SPATA13: variants seen among roughly 807,000 people sequenced by gnomAD.
The protein encoded by SPATA13 is spermatogenesis-associated protein 13.
In SPATA13, 50 loss-of-function variants were observed where a neutral mutation model predicts 104.0. The observed-to-expected ratio is 0.48, with a 90% confidence interval of 0.38 to 0.61. The LOEUF is 0.61. SPATA13 is among the 20% of genes least tolerant of loss of function. The pLI is 0.00. For synonymous variants in SPATA13, 606 were observed against 667.5 expected, an observed-to-expected ratio of 0.91 and a Z score of 1.42; for missense variants, 1,524 against 1,690.6, an observed-to-expected ratio of 0.90 and a Z score of 1.73.
intron 3 of SPATA13, among the ~76,000 whole-genome samples, chr13:24,036,968 G>A (rs1404288986): frequency 6.6e-6 from 1 of 151,772 alleles, no homozygotes; most frequent in African/African-American, 2.4e-5. Context: ...TAGAGACGGG[G>A]TTTGACCATG....
At chr13:24,112,622 C>A (rs1258779578) in intron 3 of SPATA13, among the ~76,000 whole-genome samples, 1 of 152,118 alleles carries the variant, frequency 6.6e-6, no homozygotes, top group African/African-American at 2.4e-5. Context: ...TTCTTATCAG[C>A]TAAACACAAA....
chr13:24,056,236 A>C lies in SPATA13; in HGVS notation c.-112+38535A>C, dbSNP rs139832091. The stretch of plus-strand genomic sequence containing the variant: ...ACTAGAAGTGATGAAGGAATAGAAC[A>C]AAGTGTCCAGAACAGCCTCAGTGAA... On this transcript the variant is annotated intron_variant, in intron 3 of 14. Coordinates refer to the SPATA13 transcript ENST00000424834. Among the ~76,000 whole-genome samples, 1,275 of 152,354 alleles carry C rather than the reference A, an allele frequency of 8.4e-3. 29 individuals are homozygous for C. The highest frequency in any genetic ancestry group is 0.028 in the African/African-American group (1,183 of 41,580).
rs1218817835 is a variant in SPATA13 at position 24,223,664 on chromosome 13, C to T, written c.735C>T (p.Asn245=). ...TTCTCGTGAGGGACCCTGAAAACAA[C>T]AGCATGGGCTACAGGAGGAGCAAGA... The part of the protein sequence containing the change: ...CEILVRDPEN[N]SMGYRRSKST... Residue 245 remains asparagine (N), a synonymous_variant, in exon 2 of 13, where the codon AAC becomes AAT. Coordinates refer to ENST00000382108, the MANE Select transcript of SPATA13 (RefSeq NM_001166271.3). 19 of 1,552,088 alleles carry T rather than the reference C, an allele frequency of 1.2e-5. No homozygotes were observed. The highest frequency in any genetic ancestry group is 2.4e-5 in the East Asian group (1 of 40,932).
chr13:24,136,918 C>A (rs1371335773), intron 3 of SPATA13, among the ~76,000 whole-genome samples: 1 of 43,134 alleles, frequency 2.3e-5, no homozygotes, highest in African/African-American at 7.3e-5. Flanking sequence ...CAAGCTCCGC[C>A]TCCCAGGTTC....
At chr13:24,199,244 A>C (rs1870267850) in intron 1 of SPATA13, among the ~76,000 whole-genome samples, 1 of 152,134 alleles carries the variant, frequency 6.6e-6, no homozygotes, top group African/African-American at 2.4e-5. Flanking sequence ...TCCAGCACCC[A>C]CGCCAGCTGC....
chr13:24,046,698 T>C (rs1878162186), intron 3 of SPATA13, among the ~76,000 whole-genome samples: 1 of 151,886 alleles, frequency 6.6e-6, no homozygotes, highest in African/African-American at 2.4e-5. Context: ...TGATAGAAAT[T>C]TGGGTTTCCT....
intron 3 of SPATA13, among the ~76,000 whole-genome samples, chr13:24,041,438 C>T (rs1249812045): frequency 6.6e-6 from 1 of 152,164 alleles, no homozygotes; most frequent in African/African-American, 2.4e-5. Context: ...GAATCAGAAT[C>T]TCACATGTAA....
chr13:24,105,849 CAGACACACACAGAGGGTAGACCTTGTGA>C (rs915097070), intron 3 of SPATA13, among the ~76,000 whole-genome samples: 2 of 152,136 alleles, frequency 1.3e-5, no homozygotes, highest in African/African-American at 4.8e-5. Context: ...AATTAGGACA[CAGACACACACAGAGGGTAGACCTTGTGA>C]AGACACAGGG....
At position 24,305,122 on chromosome 13, in the gene SPATA13, T is replaced by C. The variant is rs1403160832; in HGVS notation, c.*2349T>C. 1 of 152,082 alleles carries C rather than the reference T, an allele frequency of 6.6e-6. No homozygotes were observed. Among genetic ancestry groups the C allele is most frequent in the African/African-American group, 2.4e-5 (1 of 41,438 alleles). The allele number at this position is 152,082 out of a possible 1,614,324, so 9.4% of individuals were successfully genotyped here. On this transcript the variant is annotated 3_prime_UTR_variant, in exon 13 of 13. Transcript: ENST00000382108. ...GTTACATTTTCAGTGAGGATTCAGT[T>C]TAAGAGTCATTCTTAGGACTTCCAT...
intron 1 of SPATA13, among the ~76,000 whole-genome samples, chr13:24,181,520 T>C (rs1281795730): frequency 6.6e-6 from 1 of 152,174 alleles, no homozygotes; most frequent in Non-Finnish European, 1.5e-5. Flanking sequence ...CTTCTTAAGC[T>C]TTTTTGTTTT....
intron 2 of SPATA13, among the ~76,000 whole-genome samples, chr13:24,230,465 C>A (rs182247540): frequency 6.6e-6 from 1 of 152,176 alleles, no homozygotes; most frequent in East Asian, 1.9e-4. Context: ...GTGCCCCGGG[C>A]GGCGGTTGCA....
intron 2 of SPATA13, among the ~76,000 whole-genome samples, chr13:24,008,906 G>T (rs925644529): frequency 2.0e-5 from 3 of 152,208 alleles, no homozygotes; most frequent in African/African-American, 7.2e-5. Flanking sequence ...GAAGAGGGGG[G>T]AAAGCATAGC....
Position 24,160,794 on chromosome 13 carries a change from C to A in SPATA13, c.-250C>A. The A allele has an allele frequency of 1.0e-6, 1 of 985,492 alleles. No homozygotes were observed. Among genetic ancestry groups the A allele is most frequent in the Non-Finnish European group, 1.2e-6 (1 of 829,998 alleles). 61.0% of individuals were successfully genotyped at this position (985,492 alleles called of 1,614,324 possible). On this transcript the variant is annotated 5_prime_UTR_variant, in exon 1 of 13. Coordinates refer to ENST00000382108, the MANE Select transcript of SPATA13 (RefSeq NM_001166271.3). ...GCGATCGCCCTGCCGGTCGCTAGCT[C>A]CGAGGGCGCGCACTGGATCCCAGGC...
chr13:24,111,648 C>T (rs576313861), intron 3 of SPATA13, among the ~76,000 whole-genome samples: 8 of 152,314 alleles, frequency 5.3e-5, no homozygotes, highest in Admixed American at 1.3e-4. Context: ...TCAAGCGACC[C>T]GCCTGCCTTG....
chr13:24,036,086 A>C (rs1877672440), intron 3 of SPATA13, among the ~76,000 whole-genome samples: 2 of 152,116 alleles, frequency 1.3e-5, no homozygotes, highest in Admixed American at 1.3e-4. Flanking sequence ...CTGATGGACT[A>C]GTTCTACTAA....
chr13:24,175,591 A>C (rs1868392231), intron 1 of SPATA13, among the ~76,000 whole-genome samples: 1 of 152,232 alleles, frequency 6.6e-6, no homozygotes, highest in African/African-American at 2.4e-5. Flanking sequence ...TTTCTTGTTG[A>C]GTAATGTTTA....
chr13:23,993,026 A>G (rs369030839), intron 2 of SPATA13, among the ~76,000 whole-genome samples: 4 of 152,208 alleles, frequency 2.6e-5, no homozygotes, highest in East Asian at 1.9e-4. Flanking sequence ...GCATCATATT[A>G]TGTGCCTGGG....
intron 11 of SPATA13, among the ~76,000 whole-genome samples, chr13:24,300,117 G>A (rs961858685): frequency 1.3e-5 from 2 of 152,142 alleles, no homozygotes; most frequent in Non-Finnish European, 2.9e-5. Flanking sequence ...ATATTTGCCC[G>A]GGAGCGTCGG....
chr13:24,140,130 A>G (rs1327521739), intron 3 of SPATA13, among the ~76,000 whole-genome samples: 1 of 152,246 alleles, frequency 6.6e-6, no homozygotes, highest in African/African-American at 2.4e-5. Context: ...GCTCCTGCCA[A>G]TGCTAATAAC....
Sources: allele counts gnomAD v4.1 joint callset (sites outside exome capture counted in the v4.1 genomes callset), GRCh38; gene constraint gnomAD v4.1.1; transcripts MANE v1.5; gene names NCBI Gene and HGNC (gene_info 2026-07-23, HGNC 2026-07-21).